Variants in TRIM26 observed in about 807,000 individuals in gnomAD.
TRIM26 encodes the protein tripartite motif containing 26.
TRIM26 carries 16 observed loss-of-function variants against 45.5 expected under a neutral mutation model. The ratio of observed to expected loss-of-function variants is 0.35; its 90% CI spans 0.24 to 0.53. TRIM26 has a LOEUF of 0.53. Ranked by LOEUF, TRIM26 falls within the 20% of genes least tolerant of loss-of-function variation. The probability of loss-of-function intolerance (pLI) is 0.92; values close to 1 mark genes in which losing one functional copy is unlikely to be tolerated. For synonymous variants in TRIM26, 273 were observed against 290.4 expected (o/e 0.94, Z 0.61); for missense variants, 442 against 691.1 (o/e 0.64, Z 4.04).
intron 6 of TRIM26, among the ~76,000 whole-genome samples, chr6:30,193,311 A>G (rs1215093820): frequency 1.3e-4 from 19 of 149,592 alleles, no homozygotes; most frequent in Non-Finnish European, 2.4e-4. Flanking sequence ...CCTCCCGAGT[A>G]GCTGGGATTA....
intron 6 of TRIM26, among the ~76,000 whole-genome samples, chr6:30,193,509 G>A (rs954761026): frequency 1.3e-5 from 2 of 151,750 alleles, no homozygotes; most frequent in Admixed American, 6.6e-5. Context: ...GATAGTGTGA[G>A]GCCTCCAGTT....
rs184985661 is a variant in TRIM26, at chr6:30,202,493, A to T, written c.-265-1355T>A. Among the ~76,000 whole-genome samples, 345 of 152,358 alleles carry T rather than the reference A, an allele frequency of 2.3e-3. 2 individuals are homozygous for T. Among genetic ancestry groups the T allele is most frequent in the African/African-American group, 7.6e-3 (314 of 41,588 alleles). On this transcript the variant is annotated intron_variant, in intron 2 of 9. Transcript: ENST00000454678. ...GCACCAATGAATGGATTACTTCCTG[A>T]CATACCTTCATAAGGAAGAGATCCA...
rs1343167817 is a variant in TRIM26, at chr6:30,193,160, G to GTATATA, written c.766-3126_766-3125insTATATA. ...TATGTGTGTGTGTGTGTGTGTGTGT[G>GTATATA]TGTATATATATATATATATATATTT... On this transcript the variant is annotated intron_variant, in intron 6 of 9. Coordinates refer to ENST00000454678, the MANE Select transcript of TRIM26 (RefSeq NM_003449.5). Among the ~76,000 whole-genome samples, 234 of 33,130 alleles carry GTATATA rather than the reference G, an allele frequency of 7.1e-3. 2 individuals are homozygous for GTATATA. Among genetic ancestry groups the GTATATA allele is most frequent in the Non-Finnish European group, 0.01 (209 of 20,706 alleles). The allele number at this position is 33,130 out of a possible 152,430, so 21.7% of individuals were successfully genotyped here. A position where few individuals can be genotyped will look rare whatever the true frequency, so the allele number is the denominator to read the frequency against.
In TRIM26 at chr6:30,192,338, T is replaced by C. The variant is rs528061576; in HGVS notation, c.766-2303A>G. On this transcript the variant is annotated intron_variant, in intron 6 of 9. Coordinates refer to ENST00000454678, the MANE Select transcript of TRIM26 (RefSeq NM_003449.5). ...CAGCAGGAGAAGCAGGGTACAAGCA[T>C]GCCACCTGATCCTGCAGGGCCTGCC... 4.6e-5 allele frequency among the ~76,000 whole-genome samples: 7 copies of C among 152,240 alleles called. 1 individual carries two copies. In the South Asian group the frequency reaches 1.2e-3, roughly 27 times the overall value.
chr6:30,189,676 A>G lies in TRIM26; in HGVS notation c.789-143T>C. 2 of 739,030 alleles carry G rather than the reference A, an allele frequency of 2.7e-6. No individual in the cohort carries two copies. The highest frequency in any genetic ancestry group is 4.5e-6 in the Non-Finnish European group (2 of 446,900). 45.8% of individuals were successfully genotyped at this position (739,030 alleles called of 1,614,324 possible). A position where few individuals can be genotyped will look rare whatever the true frequency, so the allele number is the denominator to read the frequency against. ...ACAAGTGACAGAAAAACAGTGGCCC[A>G]AAGACACCAGCTGAACCAGGGCTTC... On this transcript the variant is annotated intron_variant, in intron 7 of 9. Transcript: ENST00000454678. This position sits in a 1 kb window ranked among gnomAD's most constrained non-coding sequence, Gnocchi z 5.0.
At chr6:30,204,559 T>C (rs1256721927) in intron 2 of TRIM26, 97 bp downstream of exon 2, 1 of 152,110 alleles carries the variant, frequency 6.6e-6, no homozygotes, top group Non-Finnish European at 1.5e-5. Context: ...GTATGAGAGA[T>C]GTGAGCAGAC....
chr6:30,206,876 G>A (rs1249815502), intron 1 of TRIM26, among the ~76,000 whole-genome samples: 1 of 152,218 alleles, frequency 6.6e-6, no homozygotes, highest in Non-Finnish European at 1.5e-5. Flanking sequence ...CAGAGCCTCG[G>A]ACTCATTTGC....
intron 3 of TRIM26, among the ~76,000 whole-genome samples, chr6:30,199,641 GTT>G (rs376808494): frequency 5.0e-5 from 7 of 140,338 alleles, no homozygotes; most frequent in African/African-American, 1.9e-4. Context: ...TTTTTTTTTG[GTT>G]TTTTTTTTTT....
chr6:30,185,782 G>T lies in TRIM26; in HGVS notation c.*94C>A. 1 of 1,420,844 alleles carries T rather than the reference G, an allele frequency of 7.0e-7. No individual in the cohort carries two copies. The highest frequency in any genetic ancestry group is 9.5e-7 in the Non-Finnish European group (1 of 1,052,402). The allele number at this position is 1,420,844 out of a possible 1,614,324, so 88.0% of individuals were successfully genotyped here. A position where few individuals can be genotyped will look rare whatever the true frequency, so the allele number is the denominator to read the frequency against. ...GGATATGGGGTCCCCTGCTCCAGGTGCTTAGGCCAGGCATCCCGTCCCCCC... is the reference window on the plus strand; with the variant it reads ...GGATATGGGGTCCCCTGCTCCAGGTTCTTAGGCCAGGCATCCCGTCCCCCC... On this transcript the variant is annotated 3_prime_UTR_variant, in exon 10 of 10. Coordinates refer to ENST00000454678, the MANE Select transcript of TRIM26 (RefSeq NM_003449.5). This position sits in a 1 kb window ranked among gnomAD's most constrained non-coding sequence, Gnocchi z 5.7.
intron 3 of TRIM26, among the ~76,000 whole-genome samples, chr6:30,199,752 T>G (rs1776934552): frequency 6.6e-6 from 1 of 151,278 alleles, no homozygotes; most frequent in Non-Finnish European, 1.5e-5. Context: ...TTCTCCTGCC[T>G]CAGCCTCCCG....
In TRIM26 at chr6:30,185,473, G is replaced by A. The variant is rs531003770; in HGVS notation, c.*403C>T. 1.4e-5 allele frequency: 3 copies of A among 212,114 alleles called. No individual in the cohort carries two copies. In the Admixed American group the frequency reaches 1.7e-4, roughly 12 times the overall value. 13.1% of individuals were successfully genotyped at this position (212,114 alleles called of 1,614,324 possible). A position where few individuals can be genotyped will look rare whatever the true frequency, so the allele number is the denominator to read the frequency against. On this transcript the variant is annotated 3_prime_UTR_variant, in exon 10 of 10. Coordinates refer to ENST00000454678, the MANE Select transcript of TRIM26 (RefSeq NM_003449.5). The surrounding 1 kb of genome is among the most constrained non-coding windows in gnomAD (Gnocchi z 5.7). Reference sequence around the variant, plus strand: ...GGATTTGTGCAAGAAGGAACCTGGGGGGTTTAAGGACAGCAAAATGATCTT... The same window carrying A: ...GGATTTGTGCAAGAAGGAACCTGGGAGGTTTAAGGACAGCAAAATGATCTT...
intron 3 of TRIM26, among the ~76,000 whole-genome samples, chr6:30,200,279 C>T (rs967241622): frequency 2.0e-5 from 3 of 151,998 alleles, no homozygotes; most frequent in Non-Finnish European, 4.4e-5. Flanking sequence ...AAGAGACTGT[C>T]TCAAAACAAA....
rs111867129 is a variant in TRIM26 at position 30,199,607 on chromosome 6, A to G, written c.-161-343T>C. Reference sequence around the variant, plus strand: ...CACACGAGCAGTCATGGGGGTCCTGACAGAGTCAAGAGACCGCCCGTTTTT... The same window carrying G: ...CACACGAGCAGTCATGGGGGTCCTGGCAGAGTCAAGAGACCGCCCGTTTTT... On this transcript the variant is annotated intron_variant, in intron 3 of 9. Coordinates refer to ENST00000454678, the MANE Select transcript of TRIM26 (RefSeq NM_003449.5). Among the ~76,000 whole-genome samples the G allele has an allele frequency of 9.0e-3, 1,366 of 151,556 alleles. 8 individuals are homozygous for G. The highest frequency in any genetic ancestry group is 0.015 in the Non-Finnish European group (1,052 of 67,918).
chr6:30,210,154 G>T (rs1265231160), intron 1 of TRIM26, among the ~76,000 whole-genome samples: 1 of 151,738 alleles, frequency 6.6e-6, no homozygotes, highest in Non-Finnish European at 1.5e-5. Context: ...GCAGTGAGCT[G>T]AGATCACGCC....
At position 30,207,555 on chromosome 6, in the gene TRIM26, G is replaced by A. The variant is rs1777848813; in HGVS notation, c.-375-2790C>T. 6.6e-6 allele frequency among the ~76,000 whole-genome samples: 1 copy of A among 152,148 alleles called. No homozygotes were observed. Among genetic ancestry groups the A allele is most frequent in the Non-Finnish European group, 1.5e-5 (1 of 68,016 alleles). ...TGTTAAACTGCCAATCTGCCCGGGT[G>A]ACCAACCAGGTTAAACCCCTCAATG... On this transcript the variant is annotated intron_variant, in intron 1 of 9. Coordinates refer to ENST00000454678, the MANE Select transcript of TRIM26 (RefSeq NM_003449.5). The surrounding 1 kb of genome is among the most constrained non-coding windows in gnomAD (Gnocchi z 4.9).
rs1210533647 is a variant in TRIM26, at chr6:30,208,054, TTG to T, written c.-375-3291_-375-3290del. On this transcript the variant is annotated intron_variant, in intron 1 of 9. Transcript: ENST00000454678. ...TTTTTCCATGAAACAAGGAGAGAGA[TTG>T]TGTCTGTCTTATCACCAGAATCTAC... is the stretch of plus-strand genomic sequence containing the variant. Among the ~76,000 whole-genome samples the T allele has an allele frequency of 4.1e-4, 63 of 152,302 alleles. 1 individual carries two copies. The highest frequency in any genetic ancestry group is 1.4e-3 in the African/African-American group (60 of 41,556).
rs140897447 is a variant in TRIM26, at chr6:30,186,722, T to C, written c.938-164A>G. 2.2e-3 allele frequency: 2,301 copies of C among 1,066,696 alleles called. 7 individuals are homozygous for C. The highest frequency in any genetic ancestry group is 0.012 in the African/African-American group (740 of 62,302). The allele number at this position is 1,066,696 out of a possible 1,614,324, so 66.1% of individuals were successfully genotyped here. On this transcript the variant is annotated intron_variant, in intron 9 of 9. Coordinates refer to ENST00000454678, the MANE Select transcript of TRIM26 (RefSeq NM_003449.5). This position sits in a 1 kb window ranked among gnomAD's most constrained non-coding sequence, Gnocchi z 7.4. ...CTTAATTTGGTATAAGTGTGACACA[T>C]TTTCTGGCTTTGTATTCTGCTAAAT...
chr6:30,188,553 G>C (rs565471149), intron 9 of TRIM26: 15 of 243,920 alleles, frequency 6.1e-5, no homozygotes, highest in African/African-American at 3.4e-4. Context: ...ACTCAGTTCT[G>C]CTATGGGATT....
rs144459721 is a variant in TRIM26, at chr6:30,198,590, C to G, written c.439-66G>C. On this transcript the variant is annotated intron_variant, in intron 4 of 9. Transcript: ENST00000454678. This position sits in a 1 kb window ranked among gnomAD's most constrained non-coding sequence, Gnocchi z 6.3. ...GCTGGGGCAGGAAGGGAGACTCAGG[C>G]TGAGTCCTCTGAGGACTGCAAGGTG... 42 of 1,610,866 alleles carry G rather than the reference C, an allele frequency of 2.6e-5. No individual in the cohort carries two copies. The highest frequency in any genetic ancestry group is 1.0e-4 in the Admixed American group (6 of 59,968).
Sources: gnomAD v4.1 joint callset for allele counts (sites outside exome capture counted in the v4.1 genomes callset) on GRCh38, gnomAD v4.1.1 for gene constraint, Gnocchi (gnomAD v3.1) non-coding constraint, MANE v1.5 for transcripts, NCBI Gene and HGNC (gene_info 2026-07-23, HGNC 2026-07-21) for gene names.